Variants in NAA25 observed in about 807,000 individuals in gnomAD.
The protein encoded by NAA25 is N-alpha-acetyltransferase 25, NatB auxiliary subunit, also known as N-terminal acetyltransferase B complex subunit NAA25.
In NAA25, 30 loss-of-function variants were observed where a neutral mutation model predicts 132.5. The observed-to-expected ratio is 0.23, with a 90% CI of 0.17 to 0.31. The LOEUF is 0.31. Among genes scored for constraint, NAA25 ranks in the 10% least tolerant of loss-of-function variants. The pLI is 1.00. For missense variants in NAA25, 771 were observed against 1,150.4 expected (o/e 0.67, Z 4.77); for synonymous variants, 359 against 401.9 (o/e 0.89, Z 1.28).
chr12:112,030,210 CAAAAAAAAAAAA>C (rs67757055), intron 23 of NAA25, among the ~76,000 whole-genome samples: 4 of 53,398 alleles, frequency 7.5e-5, no homozygotes, highest in South Asian at 1.8e-3. Flanking sequence ...AAAGCTGTCT[CAAAAAAAAAAAA>C]AAAAAAAAAA....
At chr12:112,065,546 C>A (rs1402578113) in intron 11 of NAA25, 1 of 151,676 alleles carries the variant, frequency 6.6e-6, no homozygotes, top group Non-Finnish European at 1.5e-5. Context: ...GTCTGTAATC[C>A]CAGCTACTGG....
chr12:112,061,143 G>C, intron 12 of NAA25, 38 bp downstream of exon 12: 1 of 1,574,726 alleles, frequency 6.4e-7, no homozygotes. Context: ...TCTTAGTGTA[G>C]ATCAGGGAAC....
At chr12:112,090,050 C>CT (rs1372306569) in intron 3 of NAA25, among the ~76,000 whole-genome samples, 2 of 151,414 alleles carry the variant, frequency 1.3e-5, no homozygotes, top group African/African-American at 2.4e-5. Flanking sequence ...CGGGCTGTCT[C>CT]TAACTCCTGA....
chr12:112,072,552 T>C (rs769475334), intron 9 of NAA25, among the ~76,000 whole-genome samples: 3 of 147,424 alleles, frequency 2.0e-5, no homozygotes, highest in Non-Finnish European at 4.4e-5. Context: ...GAGGTTGCAG[T>C]GAGCTGAGAT....
intron 4 of NAA25, among the ~76,000 whole-genome samples, chr12:112,086,073 T>C (rs11066154): frequency 0.016 from 881 of 53,912 alleles, 12 homozygotes; most frequent in East Asian, 0.053. Flanking sequence ...TATATATATA[T>C]ACACACACAC....
chr12:112,072,405 C>T (rs1401311237), intron 9 of NAA25, among the ~76,000 whole-genome samples: 2 of 150,658 alleles, frequency 1.3e-5, no homozygotes, highest in Non-Finnish European at 3.0e-5. Context: ...GTCAGGAGTT[C>T]GAGACCAGCC....
At chr12:112,093,510 C>T (rs888349408) in intron 1 of NAA25, among the ~76,000 whole-genome samples, 1 of 152,080 alleles carries the variant, frequency 6.6e-6, no homozygotes, top group Non-Finnish European at 1.5e-5. Context: ...CACTGCACTC[C>T]AGCCTGGGCA....
chr12:112,095,129 C>A (rs1406400589), intron 1 of NAA25, among the ~76,000 whole-genome samples: 1 of 151,938 alleles, frequency 6.6e-6, no homozygotes, highest in Non-Finnish European at 1.5e-5. Context: ...CAGCAAGACA[C>A]CATCTCTAGA....
At chr12:112,037,477 T>C (rs2136805928) in intron 22 of NAA25, 1 of 147,356 alleles carries the variant, frequency 6.8e-6, no homozygotes, top group East Asian at 2.1e-4. Flanking sequence ...GAACTAACAA[T>C]GAATGCTAAA....
intron 1 of NAA25, among the ~76,000 whole-genome samples, chr12:112,098,463 A>G (rs537836364): frequency 3.3e-5 from 5 of 152,328 alleles, no homozygotes; most frequent in Admixed American, 3.3e-4. Context: ...AATCTGTAAT[A>G]TAAGTTAAGT....
At chr12:112,059,943 G>A (rs879203812) in intron 13 of NAA25, among the ~76,000 whole-genome samples, 2 of 152,034 alleles carry the variant, frequency 1.3e-5, no homozygotes, top group African/African-American at 4.8e-5. Context: ...AAGTAGCTGG[G>A]ACTACAGGCA....
intron 11 of NAA25, among the ~76,000 whole-genome samples, chr12:112,062,944 C>T (rs1018306940): frequency 6.6e-6 from 1 of 151,830 alleles, no homozygotes; most frequent in African/African-American, 2.4e-5. Flanking sequence ...CCTGTAGTCC[C>T]AGCTACTCAA....
At chr12:112,058,054 G>T (rs1318674470) in intron 13 of NAA25, among the ~76,000 whole-genome samples, 1 of 152,160 alleles carries the variant, frequency 6.6e-6, no homozygotes, top group Non-Finnish European at 1.5e-5. Context: ...AGCTGAGACA[G>T]GAGAATCGCT....
At chr12:112,074,925 C>T (rs1161299082) in intron 8 of NAA25, among the ~76,000 whole-genome samples, 161 bp from the exon 9 acceptor site, 1 of 152,116 alleles carries the variant, frequency 6.6e-6, no homozygotes, top group Non-Finnish European at 1.5e-5. Context: ...TCTAAAAGGG[C>T]ATTTTCAAAG....
chr12:112,052,754 C>T (rs574447633), intron 15 of NAA25, among the ~76,000 whole-genome samples: 1 of 152,330 alleles, frequency 6.6e-6, no homozygotes, highest in African/African-American at 2.4e-5. Flanking sequence ...TTGCTAGTTC[C>T]TTAATTGCTG....
intron 4 of NAA25, among the ~76,000 whole-genome samples, chr12:112,082,894 A>C (rs1439938942): frequency 6.6e-6 from 1 of 152,202 alleles, no homozygotes; most frequent in Non-Finnish European, 1.5e-5. Flanking sequence ...GAGTCTGAAC[A>C]AAAAACATTC....
At position 112,090,709 on chromosome 12, in the gene NAA25, A is replaced by C; in HGVS notation, c.283+17T>G. 6 of 1,593,874 alleles carry C rather than the reference A, an allele frequency of 3.8e-6. No individual in the cohort carries two copies. Among genetic ancestry groups the C allele is most frequent in the Non-Finnish European group, 5.1e-6 (6 of 1,174,442 alleles). The stretch of plus-strand genomic sequence containing the variant: ...TTTCAGCTCAAGTTTAAAAACAATG[A>C]AAAGAAAGAAACATACGTCGGTGCA... On this transcript the variant is annotated intron_variant, in intron 3 of 23. Coordinates refer to ENST00000261745, the MANE Select transcript of NAA25 (RefSeq NM_024953.4).
At chr12:112,090,677 C>G (rs1037145686) in intron 3 of NAA25, 49 bp downstream of exon 3, 3 of 1,591,024 alleles carry the variant, frequency 1.9e-6, no homozygotes, top group Admixed American at 1.8e-5. Context: ...TCAGAAATAT[C>G]CAAAATTTTC....
At chr12:112,076,454 T>C (rs2078896869) in intron 7 of NAA25, among the ~76,000 whole-genome samples, 1 of 151,970 alleles carries the variant, frequency 6.6e-6, no homozygotes, top group South Asian at 2.1e-4. Context: ...TCCATACAGT[T>C]CCAAAACATC....
Sources: allele counts gnomAD v4.1 joint callset (sites outside exome capture counted in the v4.1 genomes callset), GRCh38; gene constraint gnomAD v4.1.1; transcripts MANE v1.5; gene names NCBI Gene and HGNC (gene_info 2026-07-23, HGNC 2026-07-21).